Variants in CTIF observed in about 807,000 individuals in gnomAD.
CTIF encodes the protein CBP80/20-dependent translation initiation factor.
A neutral mutation model predicts 66.0 loss-of-function variants in CTIF; 21 were observed. The ratio of observed to expected loss-of-function variants is 0.32; its 90% CI spans 0.23 to 0.46. The LOEUF is 0.46. Ranked by LOEUF, CTIF falls within the 20% of genes least tolerant of loss-of-function variation. The pLI, the probability that CTIF is intolerant of heterozygous loss-of-function variation, is 1.00. For missense variants in CTIF, 739 were observed against 812.7 expected (o/e 0.91, Z 1.10); for synonymous variants, 345 against 326.4 (o/e 1.06, Z -0.62).
chr18:48,702,739 G>A (rs1328565023), intron 6 of CTIF, among the ~76,000 whole-genome samples: 1 of 152,178 alleles, frequency 6.6e-6, no homozygotes, highest in African/African-American at 2.4e-5. Context: ...ATTTAAGCAT[G>A]GGTGAGCCTG....
intron 10 of CTIF, among the ~76,000 whole-genome samples, chr18:48,834,457 A>G (rs1035528703): frequency 1.2e-4 from 19 of 152,380 alleles, no homozygotes; most frequent in African/African-American, 4.1e-4. Flanking sequence ...CCGGTGGACT[A>G]TAGTTCGCCC....
chr18:48,766,807 C>T (rs1277247540), intron 9 of CTIF, among the ~76,000 whole-genome samples: 1 of 83,674 alleles, frequency 1.2e-5, no homozygotes, highest in African/African-American at 3.4e-5. Flanking sequence ...ACATGCCTTC[C>T]ACTCCCCCAG....
intron 6 of CTIF, among the ~76,000 whole-genome samples, chr18:48,684,247 A>G (rs2091798151): frequency 6.6e-6 from 1 of 152,076 alleles, no homozygotes; most frequent in Non-Finnish European, 1.5e-5. Flanking sequence ...TGAACCATCT[A>G]CTCATTTTTT....
intron 9 of CTIF, among the ~76,000 whole-genome samples, chr18:48,773,379 C>A (rs1246480257): frequency 6.6e-6 from 1 of 152,228 alleles, no homozygotes; most frequent in Non-Finnish European, 1.5e-5. Flanking sequence ...CCCTCAAAGA[C>A]CTGAGCTGTG....
At chr18:48,664,961 G>A (rs2091413466) in intron 5 of CTIF, among the ~76,000 whole-genome samples, 1 of 146,562 alleles carries the variant, frequency 6.8e-6, no homozygotes, top group Admixed American at 6.8e-5. Flanking sequence ...AGGCCGGACT[G>A]CGGACTGCAG....
rs552698378 is a variant in CTIF at position 48,608,788 on chromosome 18, C to A, written c.-28-10750C>A. On this transcript the variant is annotated intron_variant, in intron 1 of 11. Coordinates refer to ENST00000256413, the MANE Select transcript of CTIF (RefSeq NM_014772.3). ...CTCTGGAAACAGCTCGGTACTCTCT[C>A]TGCTCCAGCTGGTCTGTAGTTCAGG... 9.2e-5 allele frequency among the ~76,000 whole-genome samples: 14 copies of A among 152,330 alleles called. No homozygotes were observed. In the South Asian group the frequency reaches 2.7e-3, roughly 29 times the overall value.
At position 48,669,758 on chromosome 18, in the gene CTIF, A is replaced by C. The variant is rs564736598; in HGVS notation, c.432-911A>C. The stretch of plus-strand genomic sequence containing the variant: ...ATAATAATACATACACAAGAAATAT[A>C]CACACACACATTTATAAACAAACAA... On this transcript the variant is annotated intron_variant, in intron 5 of 11. Transcript: ENST00000256413. Among the ~76,000 whole-genome samples the C allele has an allele frequency of 6.4e-5, 9 of 141,712 alleles. No individual in the cohort carries two copies. The South Asian group carries it at 2.0e-3, about 32-fold the overall frequency. 93.0% of individuals were successfully genotyped at this position (141,712 alleles called of 152,430 possible). A position where few individuals can be genotyped will look rare whatever the true frequency, so the allele number is the denominator to read the frequency against.
At chr18:48,600,771 A>G (rs996059510) in intron 1 of CTIF, among the ~76,000 whole-genome samples, 1 of 152,036 alleles carries the variant, frequency 6.6e-6, no homozygotes, top group African/African-American at 2.4e-5. Context: ...ATAGTGCTGG[A>G]TGAGATAGAC....
At chr18:48,627,622 G>A (rs1441261196) in intron 2 of CTIF, among the ~76,000 whole-genome samples, 2 of 152,092 alleles carry the variant, frequency 1.3e-5, no homozygotes, top group East Asian at 3.8e-4. Flanking sequence ...GGGAGGCTGA[G>A]GTGGGAGGAT....
At chr18:48,551,425 C>T (rs2145538180) in intron 1 of CTIF, among the ~76,000 whole-genome samples, 1 of 152,206 alleles carries the variant, frequency 6.6e-6, no homozygotes, top group South Asian at 2.1e-4. Flanking sequence ...TGGTTTTGGA[C>T]TTCTAGCCCC....
Position 48,706,020 on chromosome 18 carries a change from G to A in CTIF, c.508-5599G>A, listed in dbSNP as rs534247341. On this transcript the variant is annotated intron_variant, in intron 6 of 11. Coordinates refer to ENST00000256413, the MANE Select transcript of CTIF (RefSeq NM_014772.3). The stretch of plus-strand genomic sequence containing the variant: ...CATCAGGTGCACTGTTGCATGGCGG[G>A]CCCCCTACATTTGTCGAGTGAGAGA... Among the ~76,000 whole-genome samples, 13 of 152,282 alleles carry A rather than the reference G, an allele frequency of 8.5e-5. No homozygotes were observed. The South Asian group carries it at 1.0e-3, about 12-fold the overall frequency.
At chr18:48,853,289 A>G (rs530485038) in intron 10 of CTIF, among the ~76,000 whole-genome samples, 1 of 152,000 alleles carries the variant, frequency 6.6e-6, no homozygotes, top group South Asian at 2.1e-4. Flanking sequence ...TAGGTGGGGG[A>G]TGGTGGCTGC....
At chr18:48,654,940 C>G (rs1440782152) in intron 3 of CTIF, among the ~76,000 whole-genome samples, 1 of 151,730 alleles carries the variant, frequency 6.6e-6, no homozygotes, top group African/African-American at 2.4e-5. Context: ...CACTTGGACA[C>G]AGGGCGGGGA....
chr18:48,797,779 G>A (rs1188812114), intron 9 of CTIF, among the ~76,000 whole-genome samples: 1 of 152,136 alleles, frequency 6.6e-6, no homozygotes, highest in Non-Finnish European at 1.5e-5. Flanking sequence ...CAGGCAGTTA[G>A]ATCTCATAGT....
chr18:48,830,488 A>G (rs2068667454), intron 10 of CTIF, among the ~76,000 whole-genome samples: 1 of 152,156 alleles, frequency 6.6e-6, no homozygotes, highest in Non-Finnish European at 1.5e-5. Context: ...TTGATTATAA[A>G]TTGACTTCCT....
At chr18:48,721,961 A>C (rs1342944831) in intron 7 of CTIF, among the ~76,000 whole-genome samples, 1 of 152,190 alleles carries the variant, frequency 6.6e-6, no homozygotes, top group Non-Finnish European at 1.5e-5. Context: ...GAAAAGGGAC[A>C]CTTCTCAGGG....
chr18:48,555,710 C>A (rs2089003554), intron 1 of CTIF, among the ~76,000 whole-genome samples: 1 of 152,204 alleles, frequency 6.6e-6, no homozygotes, highest in Non-Finnish European at 1.5e-5. Flanking sequence ...TGCATAGAGA[C>A]CCTGTGACAT....
intron 3 of CTIF, among the ~76,000 whole-genome samples, chr18:48,646,914 A>C (rs1372896476): frequency 4.0e-5 from 6 of 151,234 alleles, no homozygotes; most frequent in African/African-American, 1.4e-4. Flanking sequence ...AAAAAAAAAA[A>C]AAAAAAAAAA....
chr18:48,755,421 C>T (rs1908255515), intron 7 of CTIF, among the ~76,000 whole-genome samples: 1 of 152,014 alleles, frequency 6.6e-6, no homozygotes, highest in Non-Finnish European at 1.5e-5. Context: ...CTGACTCAGG[C>T]ATTTGGGGCT....
Sources: gnomAD v4.1 joint callset for allele counts (sites outside exome capture counted in the v4.1 genomes callset) on GRCh38, gnomAD v4.1.1 for gene constraint, MANE v1.5 for transcripts, NCBI Gene and HGNC (gene_info 2026-07-23, HGNC 2026-07-21) for gene names.